The following GON4L variants were observed in gnomAD, a reference collection of about 807,000 sequenced individuals.
GON4L encodes GON-4-like protein.
Under a neutral mutation model 211.8 loss-of-function variants are expected in GON4L, and 87 were observed. That is an observed-to-expected ratio of 0.41 (90% confidence interval 0.35 to 0.49). GON4L has a LOEUF of 0.49. GON4L is among the 20% of genes least tolerant of loss of function. The pLI is 0.15. For synonymous variants in GON4L, 875 were observed against 962.6 expected, an observed-to-expected ratio of 0.91 and a Z score of 1.68; for missense variants, 2,155 against 2,659.5, an observed-to-expected ratio of 0.81 and a Z score of 4.17.
At position 155,821,396 on chromosome 1, in the gene GON4L, TAA is replaced by T. The variant is rs1205078441; in HGVS notation, c.963+76_963+77del. Reference sequence around the variant, plus strand: ...AGCTGCCAAACTGTTTACAAACTCCTAAGTGACCTCCTACCCTTAGCCAGTTT... The same window carrying T: ...AGCTGCCAAACTGTTTACAAACTCCTGTGACCTCCTACCCTTAGCCAGTTT... On this transcript the variant is annotated intron_variant, in intron 5 of 31. Transcript: ENST00000368331. 4 of 865,872 alleles carry T rather than the reference TAA, an allele frequency of 4.6e-6. No homozygotes were observed. The Admixed American group carries it at 6.8e-5, about 15-fold the overall frequency. 53.6% of individuals were successfully genotyped at this position (865,872 alleles called of 1,614,324 possible). A position where few individuals can be genotyped will look rare whatever the true frequency, so the allele number is the denominator to read the frequency against.
At chr1:155,799,084 T>G (rs1255533975) in intron 11 of GON4L, among the ~76,000 whole-genome samples, 1 of 152,148 alleles carries the variant, frequency 6.6e-6, no homozygotes, top group Non-Finnish European at 1.5e-5. Flanking sequence ...GCCACACCCA[T>G]CCTAATCATT....
intron 11 of GON4L, among the ~76,000 whole-genome samples, chr1:155,801,000 C>T (rs536045306): frequency 6.7e-6 from 1 of 150,374 alleles, no homozygotes; most frequent in Admixed American, 6.7e-5. Context: ...TCTGAGATTT[C>T]ACTGCCTACA....
chr1:155,854,317 C>T (rs562115554), intron 1 of GON4L, among the ~76,000 whole-genome samples: 1 of 152,136 alleles, frequency 6.6e-6, no homozygotes, highest in Non-Finnish European at 1.5e-5. Flanking sequence ...CTACGCCTGG[C>T]TAATTTTTTT....
chr1:155,827,700 A>AC lies in GON4L; in HGVS notation c.506-673_506-672insG, dbSNP rs1491188408. 0.031 allele frequency among the ~76,000 whole-genome samples: 322 copies of AC among 10,330 alleles called. No individual in the cohort carries two copies. The East Asian group carries it at 0.44, about 14-fold the overall frequency. The allele number at this position is 10,330 out of a possible 152,430, so 6.8% of individuals were successfully genotyped here. A position where few individuals can be genotyped will look rare whatever the true frequency, so the allele number is the denominator to read the frequency against. On this transcript the variant is annotated intron_variant, in intron 2 of 31. Coordinates refer to ENST00000368331, the MANE Select transcript of GON4L (RefSeq NM_001282860.2). ...GACCCCGTCACACACACACACACAC[A>AC]AAAAAAAAAGCCAGGTGCTTATAGT...
At chr1:155,791,920 A>AACATC (rs752463648) in intron 12 of GON4L, among the ~76,000 whole-genome samples, 1 of 127,964 alleles carries the variant, frequency 7.8e-6, no homozygotes, top group African/African-American at 3.4e-5. Flanking sequence ...AACATAACAT[A>AACATC]ACATCACATA....
In GON4L at chr1:155,821,492, C is replaced by A; in HGVS notation, c.945G>T (p.Thr315=). The A allele has an allele frequency of 1.3e-6, 2 of 1,593,676 alleles. No homozygotes were observed. Among genetic ancestry groups the A allele is most frequent in the Non-Finnish European group, 1.7e-6 (2 of 1,161,522 alleles). Residue 315 remains threonine, a synonymous_variant, in exon 5 of 32, where the codon ACG becomes ACT. Transcript: ENST00000368331. The stretch of plus-strand genomic sequence containing the variant: ...TACTCACAAACATTGGCATATCTTC[C>A]GTCTCACTGATGGCTGCTTTCATCA... ...VAMMKAAISE[T]EDMPMFEPKM...
chr1:155,847,730 T>C (rs549803410), intron 2 of GON4L, among the ~76,000 whole-genome samples: 1 of 151,698 alleles, frequency 6.6e-6, no homozygotes, highest in African/African-American at 2.4e-5. Flanking sequence ...AAAAATTAGC[T>C]GAGTGTGGTG....
chr1:155,853,916 CA>C (rs1324690758), intron 1 of GON4L, 110 bp from the exon 2 acceptor site: 2 of 728,362 alleles, frequency 2.7e-6, no homozygotes, highest in Non-Finnish European at 4.6e-6. Flanking sequence ...TACTTCACAC[CA>C]AATGCACAAT....
chr1:155,754,552 CAG>C lies in GON4L; in HGVS notation c.5518-66_5518-65del, dbSNP rs571518792. 8.5e-5 allele frequency: 72 copies of C among 844,306 alleles called. No homozygotes were observed. The South Asian group carries it at 9.5e-4, about 11-fold the overall frequency. 52.3% of individuals were successfully genotyped at this position (844,306 alleles called of 1,614,324 possible). On this transcript the variant is annotated intron_variant, in intron 27 of 31. Coordinates refer to ENST00000368331, the MANE Select transcript of GON4L (RefSeq NM_001282860.2). ...TTTTTTTTTTTTTTTTTTTTTGAGACAGAGTCTCGCTCTGTGGCCCAGGCTGG... is the reference window on the plus strand; with the variant it reads ...TTTTTTTTTTTTTTTTTTTTTGAGACAGTCTCGCTCTGTGGCCCAGGCTGG...
chr1:155,787,515 G>C (rs927621124), intron 12 of GON4L, among the ~76,000 whole-genome samples: 2 of 152,180 alleles, frequency 1.3e-5, no homozygotes, highest in Non-Finnish European at 2.9e-5. Context: ...GCTTACGCCT[G>C]TAATTCCAGC....
chr1:155,819,630 T>C (rs2102238763), intron 6 of GON4L, among the ~76,000 whole-genome samples: 2 of 152,298 alleles, frequency 1.3e-5, no homozygotes, highest in East Asian at 3.9e-4. Flanking sequence ...ATTTTCGGTC[T>C]GTAAGGCAAA....
At chr1:155,815,684 A>G in intron 8 of GON4L, 121 bp downstream of exon 8, 1 of 710,088 alleles carries the variant, frequency 1.4e-6, no homozygotes, top group Non-Finnish European at 2.6e-6. Context: ...AAACAGCTTA[A>G]AGCACAGAAA....
intron 2 of GON4L, among the ~76,000 whole-genome samples, chr1:155,835,452 G>A (rs927481110): frequency 6.8e-6 from 1 of 146,072 alleles, no homozygotes; most frequent in Non-Finnish European, 1.5e-5. Context: ...AAACACCCAA[G>A]AATGATCAAT....
Position 155,853,763 on chromosome 1 carries a change from C to T in GON4L, c.18G>A (p.Lys6=). 2 of 1,613,642 alleles carry T rather than the reference C, an allele frequency of 1.2e-6. No individual in the cohort carries two copies. Among genetic ancestry groups the T allele is most frequent in the African/African-American group, 2.7e-5 (2 of 75,050 alleles). The change falls in exon 2 of 32, where the codon AAG becomes AAA. Residue 6 remains lysine (K), a synonymous_variant. Coordinates refer to ENST00000368331, the MANE Select transcript of GON4L (RefSeq NM_001282860.2). ...GGGACTCTGTCACTGTAGTTCTTCTCTTCTTACAGGGCAACATTTTAAAAG... is the reference window on the plus strand; with the variant it reads ...GGGACTCTGTCACTGTAGTTCTTCTTTTCTTACAGGGCAACATTTTAAAAG... MLPCK[K]RRTTVTESLQ...
At chr1:155,854,209 T>C (rs1672066553) in intron 1 of GON4L, among the ~76,000 whole-genome samples, 1 of 152,206 alleles carries the variant, frequency 6.6e-6, no homozygotes, top group African/African-American at 2.4e-5. Context: ...TGGAGTACAG[T>C]GGCGCAATCT....
At chr1:155,785,021 G>A in intron 13 of GON4L, 1 of 408,268 alleles carries the variant, frequency 2.4e-6, no homozygotes, top group South Asian at 2.0e-5. Flanking sequence ...GACTGCTTGA[G>A]CCTAGAAGGT....
At chr1:155,807,970 C>T (rs956357507) in intron 10 of GON4L, among the ~76,000 whole-genome samples, 9 of 151,966 alleles carry the variant, frequency 5.9e-5, no homozygotes, top group Non-Finnish European at 1.3e-4. Context: ...TAGTCCATTT[C>T]CCACACGTTA....
intron 2 of GON4L, among the ~76,000 whole-genome samples, chr1:155,845,135 A>G (rs1247114302): frequency 1.3e-5 from 2 of 152,178 alleles, no homozygotes; most frequent in South Asian, 2.1e-4. Context: ...GTAGGAGAGA[A>G]GCAGGATTTG....
At chr1:155,833,366 A>C (rs1044576802) in intron 2 of GON4L, among the ~76,000 whole-genome samples, 7 of 151,992 alleles carry the variant, frequency 4.6e-5, no homozygotes, top group Admixed American at 2.6e-4. Flanking sequence ...AAAAGGAAGG[A>C]AGGCCAGGCA....
Sources: gnomAD v4.1 joint callset for allele counts (sites outside exome capture counted in the v4.1 genomes callset) on GRCh38, gnomAD v4.1.1 for gene constraint, MANE v1.5 for transcripts, NCBI Gene and HGNC (gene_info 2026-07-23, HGNC 2026-07-21) for gene names.